The following ZNF300 variants were observed in gnomAD, a reference collection of about 807,000 sequenced individuals.
ZNF300 encodes kruppel-like zinc finger protein.
Under a neutral mutation model 13.9 loss-of-function variants are expected in ZNF300, and 6 were observed. The observed-to-expected ratio is 0.43, with a 90% CI of 0.24 to 0.85. The LOEUF (loss-of-function observed/expected upper bound fraction) is 0.85. ZNF300 is among the 40% of genes least tolerant of loss of function. The probability of loss-of-function intolerance (pLI) is 0.25; values close to 1 mark genes in which losing one functional copy is unlikely to be tolerated. For missense variants in ZNF300, 662 were observed against 714.2 expected, an observed-to-expected ratio of 0.93 and a Z score of 0.83; for synonymous variants, 237 against 242.2, an observed-to-expected ratio of 0.98 and a Z score of 0.20.
intron 5 of ZNF300, 45 bp downstream of exon 5, chr5:150,898,017 C>A (rs1445190289): frequency 6.3e-7 from 1 of 1,588,408 alleles, no homozygotes; most frequent in African/African-American, 1.4e-5. Flanking sequence ...ACATAAACCT[C>A]AGGCACCAAT....
At chr5:150,900,645 T>TAC (rs1754963154) in intron 3 of ZNF300, 7 of 152,248 alleles carry the variant, frequency 4.6e-5, no homozygotes, top group Admixed American at 2.6e-4. Context: ...AGCTAGCCAG[T>TAC]GCATATGACA....
At chr5:150,903,206 A>G (rs1251885138) in intron 2 of ZNF300, 24 bp from the exon 3 acceptor site, 1 of 1,613,928 alleles carries the variant, frequency 6.2e-7, no homozygotes, top group Non-Finnish European at 8.5e-7. Flanking sequence ...ACTGGTGATC[A>G]GAATGTTTTT....
At chr5:150,900,771 T>A (rs1040708652) in intron 3 of ZNF300, 26 of 151,918 alleles carry the variant, frequency 1.7e-4, no homozygotes, top group African/African-American at 5.1e-4. Flanking sequence ...TTGTTTTATC[T>A]GAAGAAAAGT....
At chr5:150,899,131 A>C (rs1049635497) in intron 3 of ZNF300, among the ~76,000 whole-genome samples, 1 of 152,110 alleles carries the variant, frequency 6.6e-6, no homozygotes, top group Non-Finnish European at 1.5e-5. Context: ...GCATGAAACA[A>C]ATACATCCCT....
Position 150,896,278 on chromosome 5 carries a change from C to T in ZNF300, c.961G>A (p.Gly321Arg), listed in dbSNP as rs1180865407. The T allele has an allele frequency of 6.8e-6, 11 of 1,613,678 alleles. No homozygotes were observed. The highest frequency in any genetic ancestry group is 9.3e-6 in the Non-Finnish European group (11 of 1,179,794). The change falls in exon 6 of 6, where the codon GGG becomes AGG. Residue 321 changes from glycine to arginine, a missense_variant. Physicochemically the swap from Gly to Arg is moderately radical, Grantham distance 125. Coordinates refer to ENST00000274599, the MANE Select transcript of ZNF300 (RefSeq NM_052860.4). ...HLVVHQRTHTGEKPYDCSECG... is the reference protein window; with the variant it reads ...HLVVHQRTHTREKPYDCSECG... ...TCAGAACAATCATAAGGTTTCTCCC[C>T]AGTATGAGTTCTCTGATGTACAACA...
rs369365423 is a variant in ZNF300 at position 150,896,183 on chromosome 5, G to A, written c.1056C>T (p.Pro352=). The A allele has an allele frequency of 2.5e-6, 4 of 1,613,300 alleles. No homozygotes were observed. The highest frequency in any genetic ancestry group is 3.3e-5 in the Admixed American group (2 of 59,830). The part of the protein sequence containing the change: ...IHQRVHTGEK[P]YECSECGKAF... ...CTTTCCCGCATTCACTACATTCATA[G>A]GGTTTTTCCCCAGTGTGAACTCTCT... is the stretch of plus-strand genomic sequence containing the variant. Residue 352 remains proline, a synonymous_variant, in exon 6 of 6, where the codon CCC becomes CCT. Coordinates refer to ENST00000274599, the MANE Select transcript of ZNF300 (RefSeq NM_052860.4).
intron 5 of ZNF300, 162 bp downstream of exon 5, chr5:150,897,900 A>C: frequency 2.6e-6 from 2 of 761,652 alleles, no homozygotes; most frequent in Admixed American, 3.1e-5. Context: ...AAGAGACAGG[A>C]TCAACAACAA....
intron 3 of ZNF300, among the ~76,000 whole-genome samples, chr5:150,899,176 C>T (rs1754906589): frequency 1.3e-5 from 2 of 152,084 alleles, no homozygotes; most frequent in South Asian, 2.1e-4. Context: ...TTTTGGACTT[C>T]TAGCCTCCAG....
In ZNF300 at chr5:150,896,698, T is replaced by C; in HGVS notation, c.541A>G (p.Ile181Val). Residue 181 changes from isoleucine (I) to valine (V), a missense_variant, in exon 6 of 6, where the codon ATA becomes GTA. Physicochemically the swap from Ile to Val is conservative, Grantham distance 29 (BLOSUM62 3). Coordinates refer to ENST00000274599, the MANE Select transcript of ZNF300 (RefSeq NM_052860.4). ...GCATCATATTTATGGAATCTCTGTA[T>C]TGATATATCTGTTTCTATGCACTCT... ...FQECIETDIS[I>V]QRFHKYDAFK... 3.7e-6 allele frequency: 6 copies of C among 1,613,584 alleles called. No homozygotes were observed. The highest frequency in any genetic ancestry group is 5.1e-6 in the Non-Finnish European group (6 of 1,179,744).
rs1755043336 is a variant in ZNF300 at position 150,903,185 on chromosome 5, G to A, written c.-27-3C>T. ...TGCTCTTCCAAAAGGCCAGATGACT[G>A]AAAAAGCAAAACTGGTGATCAGAAT... is the stretch of plus-strand genomic sequence containing the variant. On this transcript the variant is annotated splice_region_variant and splice_polypyrimidine_tract_variant and intron_variant, in intron 2 of 5. Transcript: ENST00000274599. 2 of 1,613,562 alleles carry A rather than the reference G, an allele frequency of 1.2e-6. No individual in the cohort carries two copies. The highest frequency in any genetic ancestry group is 1.7e-6 in the Non-Finnish European group (2 of 1,179,856).
Position 150,896,892 on chromosome 5 carries a change from G to A in ZNF300, c.347C>T (p.Thr116Ile), listed in dbSNP as rs751512559. 4 of 1,613,534 alleles carry A rather than the reference G, an allele frequency of 2.5e-6. No homozygotes were observed. In the South Asian group the frequency reaches 3.3e-5, roughly 13 times the overall value. Residue 116 changes from threonine to isoleucine, a missense_variant, in exon 6 of 6, where the codon ACA becomes ATA. Transcript: ENST00000274599. ...AATGGAGCACAATGAACCATCCCTT[G>A]TGACTCCTTTCAGTATCTTATGATG... ...SFHHKILKGV[T>I]RDGSLCSILK...
chr5:150,899,143 A>ACC (rs1754905715), intron 3 of ZNF300, among the ~76,000 whole-genome samples: 1 of 152,098 alleles, frequency 6.6e-6, no homozygotes, highest in Non-Finnish European at 1.5e-5. Flanking sequence ...TACATCCCTC[A>ACC]CAGTCCTGAA....
rs996550043 is a variant in ZNF300, at chr5:150,896,928, G to A, written c.311C>T (p.Thr104Ile). 1.9e-6 allele frequency: 3 copies of A among 1,613,046 alleles called. No homozygotes were observed. The African/African-American group carries it at 4.0e-5, about 22-fold the overall frequency. The change falls in exon 6 of 6, where the codon ACA becomes ATA. Residue 104 changes from threonine to isoleucine, a missense_variant. By Grantham distance (89) the Thr-to-Ile change is moderately conservative (BLOSUM62 -1). Transcript: ENST00000274599. ...CAGTATCTTATGATGGAAGGAAACT[G>A]TCCCCAAAATACATGACTGGGAGTT... Reference protein sequence around the residue: ...LHNSQSCILGTVSFHHKILKG... With the variant: ...LHNSQSCILGIVSFHHKILKG...
Position 150,896,017 on chromosome 5 carries a change from G to C in ZNF300, c.1222C>G (p.Pro408Ala). 6.2e-7 allele frequency: 1 copy of C among 1,613,462 alleles called. No individual in the cohort carries two copies. ...TTCCCACATTCGGTACACTCATACG[G>C]CTTCTCTCCAGTATGAGCTCTGTGG... ...IHHRAHTGEKPYECTECGKAF... is the reference protein window; with the variant it reads ...IHHRAHTGEKAYECTECGKAF... The change falls in exon 6 of 6, where the codon CCG (proline) becomes GCG (alanine). Residue 408 changes from proline (P) to alanine (A), a missense_variant. Physicochemically the swap from Pro to Ala is conservative, Grantham distance 27 (BLOSUM62 -1). Coordinates refer to ENST00000274599, the MANE Select transcript of ZNF300 (RefSeq NM_052860.4).
intron 3 of ZNF300, among the ~76,000 whole-genome samples, chr5:150,899,464 C>T (rs947369980): frequency 6.6e-6 from 1 of 151,804 alleles, no homozygotes; most frequent in African/African-American, 2.4e-5. Context: ...AATGTCAGAG[C>T]TCTAGAAGAT....
chr5:150,903,367 C>T (rs1045260274), intron 2 of ZNF300, 185 bp from the exon 3 acceptor site: 2 of 1,545,476 alleles, frequency 1.3e-6, no homozygotes, highest in African/African-American at 2.7e-5. Context: ...AGGGATCATT[C>T]TTTACTCCTC....
chr5:150,903,439 G>A, intron 2 of ZNF300: 2 of 1,327,272 alleles, frequency 1.5e-6, no homozygotes, highest in Non-Finnish European at 2.1e-6. Context: ...TAGATGTGAA[G>A]ATATGTTTCC....
Position 150,895,661 on chromosome 5 carries a change from A to G in ZNF300, c.1578T>C (p.Cys526=), listed in dbSNP as rs1754732536. 1 of 1,613,094 alleles carries G rather than the reference A, an allele frequency of 6.2e-7. No individual in the cohort carries two copies. Among genetic ancestry groups the G allele is most frequent in the African/African-American group, 1.3e-5 (1 of 74,840 alleles). ...TGEKPYICTE[C]GKAFSQKSHL... ...GGGACTTCTGAGAGAAGGCTTTCCCACATTCAGTACATATATAAGGTTTTT... is the reference window on the plus strand; with the variant it reads ...GGGACTTCTGAGAGAAGGCTTTCCCGCATTCAGTACATATATAAGGTTTTT... The change falls in exon 6 of 6, where the codon TGT becomes TGC. Residue 526 remains cysteine, a synonymous_variant. Coordinates refer to ENST00000274599, the MANE Select transcript of ZNF300 (RefSeq NM_052860.4).
intron 3 of ZNF300, among the ~76,000 whole-genome samples, chr5:150,900,363 G>T (rs1318257324): frequency 6.6e-6 from 1 of 151,926 alleles, no homozygotes; most frequent in Non-Finnish European, 1.5e-5. Flanking sequence ...TTTTACAAAT[G>T]CTGCTTCCTG....
Sources: allele counts gnomAD v4.1 joint callset (sites outside exome capture counted in the v4.1 genomes callset), GRCh38; gene constraint gnomAD v4.1.1; transcripts MANE v1.5; gene names NCBI Gene and HGNC (gene_info 2026-07-23, HGNC 2026-07-21).